The following EYA3 variants were observed in gnomAD, a reference collection of about 807,000 sequenced individuals.
EYA3 encodes the protein EYA transcriptional coactivator and phosphatase 3.
In EYA3, 39 loss-of-function variants were observed where a neutral mutation model predicts 80.0. The ratio of observed to expected loss-of-function variants is 0.49; its 90% CI spans 0.38 to 0.64. EYA3 has a LOEUF of 0.64. Among genes scored for constraint, EYA3 ranks in the 30% least tolerant of loss-of-function variants. EYA3 has a pLI of 0.00. For synonymous variants in EYA3, 206 were observed against 232.8 expected (o/e 0.88, Z 1.05); for missense variants, 523 against 676.1 (o/e 0.77, Z 2.51).
intron 1 of EYA3, among the ~76,000 whole-genome samples, chr1:28,073,129 T>TATATA (rs1449412878): frequency 3.7e-5 from 1 of 27,192 alleles, no homozygotes; most frequent in African/African-American, 1.9e-4. Context: ...ATATATATAT[T>TATATA]TTTTTTTTTT....
intron 3 of EYA3, among the ~76,000 whole-genome samples, chr1:28,043,335 A>G (rs1474433135): frequency 2.9e-5 from 4 of 140,192 alleles, no homozygotes; most frequent in Non-Finnish European, 4.8e-5. Flanking sequence ...TTTGTGAAAA[A>G]AAAAAAAAAA....
intron 1 of EYA3, among the ~76,000 whole-genome samples, chr1:28,060,414 T>C (rs1043676676): frequency 2.0e-5 from 3 of 152,128 alleles, no homozygotes; most frequent in African/African-American, 4.8e-5. Context: ...AGAAAAAACA[T>C]AGAAACATTA....
intron 16 of EYA3, among the ~76,000 whole-genome samples, chr1:27,979,105 G>C (rs1341019578): frequency 1.3e-5 from 2 of 152,168 alleles, no homozygotes; most frequent in East Asian, 1.9e-4. Context: ...AAACAAGCAA[G>C]TAGCTAGAAC....
Position 28,075,753 on chromosome 1 carries a change from T to TGGA in EYA3, c.-69+12768_-69+12770dup, listed in dbSNP as rs147498199. Among the ~76,000 whole-genome samples the TGGA allele has an allele frequency of 3.0e-3, 461 of 152,354 alleles. 2 individuals are homozygous for TGGA. The highest frequency in any genetic ancestry group is 0.01 in the African/African-American group (426 of 41,594). On this transcript the variant is annotated intron_variant, in intron 1 of 17. Coordinates refer to ENST00000373871, the MANE Select transcript of EYA3 (RefSeq NM_001990.4). ...CTTCAGTTCTTCATATTTGTTTACC[T>TGGA]GGAGTCTGCTACATTTCTGAAACTT...
chr1:28,029,050 C>T (rs1489199694), intron 6 of EYA3, among the ~76,000 whole-genome samples: 2 of 152,188 alleles, frequency 1.3e-5, no homozygotes, highest in African/African-American at 2.4e-5. Context: ...ACATAATTTG[C>T]TTTTCCACAT....
At chr1:27,996,991 C>T (rs893151521) in intron 13 of EYA3, among the ~76,000 whole-genome samples, 3 of 152,294 alleles carry the variant, frequency 2.0e-5, no homozygotes, top group Admixed American at 6.5e-5. Context: ...TAAGATGCTG[C>T]AATTACAGGT....
intron 7 of EYA3, among the ~76,000 whole-genome samples, chr1:28,023,414 G>A (rs1326727766): frequency 1.3e-5 from 2 of 152,178 alleles, no homozygotes; most frequent in African/African-American, 4.8e-5. Flanking sequence ...GGAGGAAAGA[G>A]TAACTTTATG....
At chr1:28,019,550 T>C (rs1229492428) in intron 7 of EYA3, among the ~76,000 whole-genome samples, 1 of 152,128 alleles carries the variant, frequency 6.6e-6, no homozygotes, top group Non-Finnish European at 1.5e-5. Context: ...TGAACACAGG[T>C]GATTTAAGGT....
At chr1:27,985,245 T>C (rs1168820500) in intron 16 of EYA3, among the ~76,000 whole-genome samples, 1 of 133,322 alleles carries the variant, frequency 7.5e-6, no homozygotes, top group African/African-American at 2.6e-5. Context: ...TCCCAGCTAA[T>C]TAAAAAACAA....
intron 1 of EYA3, among the ~76,000 whole-genome samples, chr1:28,078,298 T>C (rs915569794): frequency 3.3e-5 from 5 of 152,110 alleles, no homozygotes; most frequent in Non-Finnish European, 7.4e-5. Flanking sequence ...TAGCTTTAAA[T>C]CCAACACGCT....
intron 1 of EYA3, among the ~76,000 whole-genome samples, chr1:28,073,646 G>T (rs1223526055): frequency 6.6e-6 from 1 of 152,034 alleles, no homozygotes; most frequent in East Asian, 1.9e-4. Flanking sequence ...ATGTTGACCA[G>T]GCTGGGCTTG....
chr1:28,038,596 G>A (rs961458510), intron 5 of EYA3, among the ~76,000 whole-genome samples: 1 of 152,104 alleles, frequency 6.6e-6, no homozygotes, highest in Admixed American at 6.5e-5. Context: ...TATTTTGCAT[G>A]TTCAGTGCCT....
At position 27,974,449 on chromosome 1, in the gene EYA3, G is replaced by C. The variant is rs898567209; in HGVS notation, c.*17C>G. 6.2e-7 allele frequency: 1 copy of C among 1,605,946 alleles called. No homozygotes were observed. The highest frequency in any genetic ancestry group is 8.5e-7 in the Non-Finnish European group (1 of 1,173,742). On this transcript the variant is annotated 3_prime_UTR_variant, in exon 18 of 18. Coordinates refer to ENST00000373871, the MANE Select transcript of EYA3 (RefSeq NM_001990.4). ...GAGTGAAAAGGAGCTCAAGGGGAAG[G>C]CTCCTCATTCCAGTTCTTAGAGAAA...
intron 1 of EYA3, among the ~76,000 whole-genome samples, chr1:28,078,768 A>G (rs1645315454): frequency 6.6e-6 from 1 of 152,182 alleles, no homozygotes; most frequent in South Asian, 2.1e-4. Flanking sequence ...ATTTGTTATT[A>G]TCACCATTTT....
chr1:28,027,980 T>C (rs1642887882), intron 6 of EYA3, 54 bp from the exon 7 acceptor site: 14 of 1,584,476 alleles, frequency 8.8e-6, no homozygotes, highest in Admixed American at 3.5e-5. Context: ...CTGAGGAGCA[T>C]GGTTATGCTT....
At position 28,017,719 on chromosome 1, in the gene EYA3, A is replaced by G. The variant is rs147116236; in HGVS notation, c.500-480T>C. ...ACATGAGAAATAGAGCTGGTCCTCC[A>G]AATTCCAAAGCATTTAGAATTGCTT... On this transcript the variant is annotated intron_variant, in intron 7 of 17. Coordinates refer to ENST00000373871, the MANE Select transcript of EYA3 (RefSeq NM_001990.4). 6.9e-3 allele frequency among the ~76,000 whole-genome samples: 1,058 copies of G among 152,348 alleles called. 5 individuals carry two copies. Among genetic ancestry groups the G allele is most frequent in the Non-Finnish European group, 0.011 (725 of 68,036 alleles).
intron 5 of EYA3, 96 bp from the exon 6 acceptor site, chr1:28,035,776 C>T (rs1356241388): frequency 1.7e-6 from 2 of 1,154,920 alleles, no homozygotes; most frequent in Non-Finnish European, 2.5e-6. Flanking sequence ...AAAGAATCTG[C>T]AACAAGGAGA....
At position 28,058,102 on chromosome 1, in the gene EYA3, T is replaced by G. The variant is rs752413666; in HGVS notation, c.-68-8A>C. 238 of 1,243,798 alleles carry G rather than the reference T, an allele frequency of 1.9e-4. No homozygotes were observed. Among genetic ancestry groups the G allele is most frequent in the Non-Finnish European group, 2.4e-4 (214 of 888,356 alleles). 77.0% of individuals were successfully genotyped at this position (1,243,798 alleles called of 1,614,324 possible). ...CTCAGCAGTTTTCACAATCTGTTTT[T>G]AAAAAGGAGGATTCAAAGCTTTATA... On this transcript the variant is annotated splice_polypyrimidine_tract_variant and splice_region_variant and intron_variant, in intron 1 of 17. Transcript: ENST00000373871.
chr1:28,010,117 T>C (rs571656777), intron 10 of EYA3, among the ~76,000 whole-genome samples: 30 of 152,296 alleles, frequency 2.0e-4, no homozygotes, highest in Middle Eastern at 3.4e-3. Context: ...CACTTATCAA[T>C]GGATTCATAG....
Sources: gnomAD v4.1 joint callset for allele counts (sites outside exome capture counted in the v4.1 genomes callset) on GRCh38, gnomAD v4.1.1 for gene constraint, MANE v1.5 for transcripts, NCBI Gene and HGNC (gene_info 2026-07-23, HGNC 2026-07-21) for gene names.